Variants in MFHAS1 observed in about 807,000 individuals in gnomAD.
MFHAS1 encodes multifunctional ROCO family signaling regulator 1.
MFHAS1 carries 50 observed loss-of-function variants against 70.4 expected under a neutral mutation model. The ratio of observed to expected loss-of-function variants is 0.71; its 90% CI spans 0.57 to 0.90. The LOEUF (loss-of-function observed/expected upper bound fraction) is 0.90, where lower values mean the gene tolerates loss of function less well. Ranked by LOEUF, MFHAS1 falls within the 40% of genes least tolerant of loss-of-function variation. The pLI is 0.00. For missense variants in MFHAS1, 1,795 were observed against 1,347.6 expected (o/e 1.33, Z -5.20); for synonymous variants, 952 against 620.0 (o/e 1.54, Z -7.96).
chr8:8,841,765 C>T (rs938785583), intron 1 of MFHAS1, among the ~76,000 whole-genome samples: 4 of 152,182 alleles, frequency 2.6e-5, no homozygotes, highest in East Asian at 1.9e-4. Flanking sequence ...GGGCCACACC[C>T]CACGGGTACG....
intron 1 of MFHAS1, among the ~76,000 whole-genome samples, chr8:8,837,280 T>C (rs932381680): frequency 6.6e-6 from 1 of 152,176 alleles, no homozygotes; most frequent in African/African-American, 2.4e-5. Context: ...AGTCCAAATA[T>C]TTTAAAAAGC....
At chr8:8,864,152 G>A (rs1357915358) in intron 1 of MFHAS1, among the ~76,000 whole-genome samples, 1 of 152,178 alleles carries the variant, frequency 6.6e-6, no homozygotes, top group African/African-American at 2.4e-5. Context: ...CTTCTTCCCT[G>A]GCAACACTTG....
intron 1 of MFHAS1, among the ~76,000 whole-genome samples, chr8:8,887,601 A>C (rs1809817059): frequency 6.6e-6 from 1 of 150,382 alleles, no homozygotes; most frequent in South Asian, 2.1e-4. Context: ...ATATTTTATA[A>C]TCGTGCTCTA....
intron 1 of MFHAS1, among the ~76,000 whole-genome samples, chr8:8,882,212 T>A (rs905088765): frequency 6.6e-6 from 1 of 151,132 alleles, no homozygotes; most frequent in South Asian, 2.1e-4. Flanking sequence ...GAAACCCCCA[T>A]CTCTACTAAA....
chr8:8,821,370 A>G (rs1267313773), intron 1 of MFHAS1, among the ~76,000 whole-genome samples: 2 of 152,202 alleles, frequency 1.3e-5, no homozygotes, highest in African/African-American at 4.8e-5. Context: ...CATCACGCCG[A>G]ATTTTACAGA....
chr8:8,813,843 C>A (rs781233011), intron 1 of MFHAS1, among the ~76,000 whole-genome samples: 6 of 152,122 alleles, frequency 3.9e-5, no homozygotes, highest in Non-Finnish European at 8.8e-5. Flanking sequence ...TCCTGAGCCT[C>A]CATATTCACC....
intron 1 of MFHAS1, among the ~76,000 whole-genome samples, chr8:8,877,206 G>C (rs752339969): frequency 6.8e-6 from 1 of 146,446 alleles, no homozygotes; most frequent in Non-Finnish European, 1.5e-5. Context: ...AGGCTGAGGT[G>C]GGAGGATCAC....
At chr8:8,854,759 C>A (rs1325365899) in intron 1 of MFHAS1, among the ~76,000 whole-genome samples, 1 of 152,000 alleles carries the variant, frequency 6.6e-6, no homozygotes, top group African/African-American at 2.4e-5. Context: ...CATATTTACA[C>A]TAAAAATTAT....
chr8:8,865,216 G>C (rs936940101), intron 1 of MFHAS1, among the ~76,000 whole-genome samples: 1 of 139,952 alleles, frequency 7.1e-6, no homozygotes, highest in African/African-American at 2.6e-5. Flanking sequence ...GCTGGAGGTT[G>C]CAGTAAGCCA....
intron 1 of MFHAS1, among the ~76,000 whole-genome samples, chr8:8,820,547 C>A (rs1046837244): frequency 2.6e-5 from 4 of 152,164 alleles, no homozygotes; most frequent in African/African-American, 9.7e-5. Context: ...CTCACCCAAA[C>A]AATTTTACGT....
intron 1 of MFHAS1, among the ~76,000 whole-genome samples, chr8:8,799,766 AG>A (rs750431436): frequency 6.6e-6 from 1 of 152,242 alleles, no homozygotes; most frequent in Non-Finnish European, 1.5e-5. Context: ...AAAGAGCAAA[AG>A]AAAACAAAAA....
At chr8:8,850,164 T>A (rs1190001963) in intron 1 of MFHAS1, among the ~76,000 whole-genome samples, 2 of 152,246 alleles carry the variant, frequency 1.3e-5, no homozygotes, top group Non-Finnish European at 2.9e-5. Flanking sequence ...GCTATTAAAC[T>A]AGTTAACATT....
chr8:8,887,037 G>A (rs189241797), intron 1 of MFHAS1, among the ~76,000 whole-genome samples: 1 of 152,166 alleles, frequency 6.6e-6, no homozygotes, highest in African/African-American at 2.4e-5. Context: ...TGAGGCAGGA[G>A]AATCGCTTGA....
Position 8,849,492 on chromosome 8 carries a change from T to G in MFHAS1, c.2998+40569A>C, listed in dbSNP as rs535289819. Among the ~76,000 whole-genome samples, 43 of 152,362 alleles carry G rather than the reference T, an allele frequency of 2.8e-4. 1 individual carries two copies. The South Asian group carries it at 8.3e-3, about 29-fold the overall frequency. On this transcript the variant is annotated intron_variant, in intron 1 of 2. Coordinates refer to ENST00000276282, the MANE Select transcript of MFHAS1 (RefSeq NM_004225.3). ...CACATGTGCATAATGTGTGTGCACT[T>G]ACACGTGTGTGTATTCTGTGTCAGT...
At chr8:8,828,893 G>T (rs916942245) in intron 1 of MFHAS1, among the ~76,000 whole-genome samples, 1 of 152,138 alleles carries the variant, frequency 6.6e-6, no homozygotes, top group African/African-American at 2.4e-5. Context: ...CCCGCCCCTA[G>T]CTCAGTCCTT....
intron 1 of MFHAS1, among the ~76,000 whole-genome samples, chr8:8,816,077 G>C (rs1214735561): frequency 6.6e-6 from 1 of 152,146 alleles, no homozygotes; most frequent in East Asian, 1.9e-4. Context: ...TAGTGGATGA[G>C]TCCATTATAC....
In MFHAS1 at chr8:8,883,707, C is replaced by CAAAAAAAA. The variant is rs35799658; in HGVS notation, c.2998+6346_2998+6353dup. On this transcript the variant is annotated intron_variant, in intron 1 of 2. Coordinates refer to ENST00000276282, the MANE Select transcript of MFHAS1 (RefSeq NM_004225.3). The stretch of plus-strand genomic sequence containing the variant: ...TGGGCAACAGAGCGAGACTCAGTCT[C>CAAAAAAAA]AAAAAAAAAAAAAAAAAAAAAAAAG... 4.2e-3 allele frequency among the ~76,000 whole-genome samples: 125 copies of CAAAAAAAA among 29,446 alleles called. 1 individual carries two copies. The highest frequency in any genetic ancestry group is 5.2e-3 in the Non-Finnish European group (83 of 15,926). 19.3% of individuals were successfully genotyped at this position (29,446 alleles called of 152,430 possible). A position where few individuals can be genotyped will look rare whatever the true frequency, so the allele number is the denominator to read the frequency against.
At chr8:8,883,222 G>A (rs995653232) in intron 1 of MFHAS1, among the ~76,000 whole-genome samples, 5 of 152,184 alleles carry the variant, frequency 3.3e-5, no homozygotes, top group Admixed American at 3.3e-4. Context: ...CCTACCTGAT[G>A]TGCTTTCCAC....
intron 1 of MFHAS1, among the ~76,000 whole-genome samples, chr8:8,850,231 C>T (rs1449362650): frequency 6.6e-6 from 1 of 152,120 alleles, no homozygotes; most frequent in Non-Finnish European, 1.5e-5. Context: ...TCAGCTACAC[C>T]CCTTGGTAAA....
Sources: gnomAD v4.1 joint callset for allele counts (sites outside exome capture counted in the v4.1 genomes callset) on GRCh38, gnomAD v4.1.1 for gene constraint, MANE v1.5 for transcripts, NCBI Gene and HGNC (gene_info 2026-07-23, HGNC 2026-07-21) for gene names.